PLEKHM3: variants seen among roughly 807,000 people sequenced by gnomAD.
PLEKHM3 encodes the protein pleckstrin homology domain containing M3, also known as pleckstrin homology domain-containing family M member 3.
Under a neutral mutation model 81.8 loss-of-function variants are expected in PLEKHM3, and 45 were observed. The observed-to-expected ratio is 0.55, with a 90% CI of 0.43 to 0.71. PLEKHM3 has a LOEUF of 0.71. PLEKHM3 is among the 30% of genes least tolerant of loss of function. The pLI is 0.00. For synonymous variants in PLEKHM3, 352 were observed against 356.4 expected, an observed-to-expected ratio of 0.99 and a Z score of 0.14; for missense variants, 788 against 924.3, an observed-to-expected ratio of 0.85 and a Z score of 1.91.
At chr2:208,013,427 A>G (rs897453409) in intron 1 of PLEKHM3, among the ~76,000 whole-genome samples, 1 of 152,080 alleles carries the variant, frequency 6.6e-6, no homozygotes, top group African/African-American at 2.4e-5. Context: ...GAGGCAGGAG[A>G]ATTGCTTAAA....
chr2:207,991,147 C>G (rs1056740852), intron 2 of PLEKHM3, among the ~76,000 whole-genome samples: 1 of 152,084 alleles, frequency 6.6e-6, no homozygotes, highest in African/African-American at 2.4e-5. Context: ...GGTTTTGGAC[C>G]CAGGAAACAA....
At chr2:207,872,782 G>A (rs2092541591) in intron 6 of PLEKHM3, among the ~76,000 whole-genome samples, 1 of 152,184 alleles carries the variant, frequency 6.6e-6, no homozygotes, top group African/African-American at 2.4e-5. Flanking sequence ...AGCCAAGATC[G>A]CGCCAGTGTA....
intron 6 of PLEKHM3, among the ~76,000 whole-genome samples, chr2:207,879,208 A>C (rs1401151884): frequency 6.6e-6 from 1 of 152,202 alleles, no homozygotes; most frequent in Non-Finnish European, 1.5e-5. Flanking sequence ...TCAGAGAGCT[A>C]ATATGCATCA....
chr2:207,897,007 G>A lies in PLEKHM3; in HGVS notation c.1950+11507C>T, dbSNP rs115672846. Among the ~76,000 whole-genome samples the A allele has an allele frequency of 1.8e-3, 271 of 152,346 alleles. 1 individual carries two copies. Among genetic ancestry groups the A allele is most frequent in the African/African-American group, 6.2e-3 (257 of 41,584 alleles). On this transcript the variant is annotated intron_variant, in intron 6 of 7. Coordinates refer to ENST00000427836, the MANE Select transcript of PLEKHM3 (RefSeq NM_001080475.3). Reference sequence around the variant, plus strand: ...ACAAGTGGCAAGATTCAGAGGGTAGGTAGTACCACTCACTCAAGCGCAGGC... The same window carrying A: ...ACAAGTGGCAAGATTCAGAGGGTAGATAGTACCACTCACTCAAGCGCAGGC...
At chr2:207,989,722 C>T (rs6707468) in intron 2 of PLEKHM3, among the ~76,000 whole-genome samples, 8,299 of 152,246 alleles carry the variant, frequency 0.055, 721 homozygotes, top group African/African-American at 0.19. Flanking sequence ...CTTCCTTTTC[C>T]TCACCCAACT....
At chr2:207,866,080 T>A (rs2092499158) in intron 6 of PLEKHM3, among the ~76,000 whole-genome samples, 1 of 151,982 alleles carries the variant, frequency 6.6e-6, no homozygotes, top group Non-Finnish European at 1.5e-5. Context: ...TCTTTTTTCT[T>A]AGATCCATCA....
At chr2:207,850,831 TAATCTTCTGATTTGTAATTCTTA>T (rs2092408249) in intron 7 of PLEKHM3, among the ~76,000 whole-genome samples, 1 of 152,220 alleles carries the variant, frequency 6.6e-6, no homozygotes, top group Non-Finnish European at 1.5e-5. Context: ...AGTGTCAGCC[TAATCTTCTGATTTGTAATTCTTA>T]AAAGTTAGAG....
chr2:208,002,961 CT>C (rs1692362527), intron 1 of PLEKHM3, among the ~76,000 whole-genome samples: 1 of 151,226 alleles, frequency 6.6e-6, no homozygotes, highest in South Asian at 2.1e-4. Flanking sequence ...TAATCCTTAA[CT>C]ACTTATAAGT....
intron 1 of PLEKHM3, among the ~76,000 whole-genome samples, chr2:208,006,386 A>T (rs1437504721): frequency 6.6e-6 from 1 of 152,248 alleles, no homozygotes; most frequent in Non-Finnish European, 1.5e-5. Flanking sequence ...ATGTGGGTGC[A>T]GTGTGGCTTG....
intron 3 of PLEKHM3, among the ~76,000 whole-genome samples, chr2:207,973,546 C>T (rs976393704): frequency 2.0e-5 from 3 of 152,252 alleles, no homozygotes. Context: ...TGAGACCAGC[C>T]TGACCAACAT....
At chr2:207,903,916 A>G (rs1688522825) in intron 6 of PLEKHM3, among the ~76,000 whole-genome samples, 1 of 152,218 alleles carries the variant, frequency 6.6e-6, no homozygotes, top group Non-Finnish European at 1.5e-5. Context: ...TCCTGTCTTA[A>G]AGCCTTCTCA....
chr2:207,844,397 G>A (rs917437721), intron 7 of PLEKHM3, among the ~76,000 whole-genome samples: 10 of 150,696 alleles, frequency 6.6e-5, no homozygotes, highest in Admixed American at 1.3e-4. Context: ...CCGCCTCCCG[G>A]GCTCACGCCA....
At chr2:207,900,334 G>T (rs1370170038) in intron 6 of PLEKHM3, 1 of 152,218 alleles carries the variant, frequency 6.6e-6, no homozygotes, top group Admixed American at 6.5e-5. Flanking sequence ...CCACTGGGTT[G>T]CCATGAGTGA....
intron 2 of PLEKHM3, among the ~76,000 whole-genome samples, chr2:207,979,727 C>T (rs1344553870): frequency 6.6e-6 from 1 of 152,032 alleles, no homozygotes; most frequent in Non-Finnish European, 1.5e-5. Context: ...ATGATTTCTG[C>T]TTTTGGCTAA....
chr2:207,968,571 T>C lies in PLEKHM3; in HGVS notation c.1546+8080A>G, dbSNP rs565488587. Among the ~76,000 whole-genome samples, 29 of 152,292 alleles carry C rather than the reference T, an allele frequency of 1.9e-4. No homozygotes were observed. In the East Asian group the frequency reaches 4.4e-3, roughly 23 times the overall value. The stretch of plus-strand genomic sequence containing the variant: ...CTCCATAGCCTTGGGAGGCTGGGTG[T>C]TTCTATAAGTATTTGAAGAGCACAA... On this transcript the variant is annotated intron_variant, in intron 3 of 7. Transcript: ENST00000427836.
chr2:207,995,205 G>A (rs1006098263), intron 2 of PLEKHM3, among the ~76,000 whole-genome samples: 2 of 152,134 alleles, frequency 1.3e-5, no homozygotes, highest in Non-Finnish European at 2.9e-5. Flanking sequence ...CTCTGTGTCC[G>A]AGTATTTCAG....
chr2:207,831,567 A>C (rs1375876612), intron 7 of PLEKHM3, among the ~76,000 whole-genome samples: 1 of 152,194 alleles, frequency 6.6e-6, no homozygotes, highest in Non-Finnish European at 1.5e-5. Context: ...ACCCCTTCCT[A>C]TTCACTGGGT....
At chr2:207,985,724 T>C (rs766554497) in intron 2 of PLEKHM3, among the ~76,000 whole-genome samples, 12 of 152,134 alleles carry the variant, frequency 7.9e-5, no homozygotes, top group South Asian at 2.1e-4. Flanking sequence ...GTGTGGCTCA[T>C]GCCTGTAATC....
chr2:208,000,988 GAA>G (rs77301165), intron 2 of PLEKHM3, 40 bp downstream of exon 2: 2,007 of 1,118,000 alleles, frequency 1.8e-3, no homozygotes, highest in Middle Eastern at 3.0e-3. Flanking sequence ...GCCCCAAAAA[GAA>G]AAAAAAAAAA....
Sources: allele counts gnomAD v4.1 joint callset (sites outside exome capture counted in the v4.1 genomes callset), GRCh38; gene constraint gnomAD v4.1.1; transcripts MANE v1.5; gene names NCBI Gene and HGNC (gene_info 2026-07-23, HGNC 2026-07-21).